NCKAP5: variants seen among roughly 807,000 people sequenced by gnomAD.
NCKAP5 encodes the protein nck-associated protein 5.
A neutral mutation model predicts 167.0 loss-of-function variants in NCKAP5; 92 were observed. The observed-to-expected ratio is 0.55, with a 90% CI of 0.47 to 0.66. The LOEUF is 0.66. Among genes scored for constraint, NCKAP5 ranks in the 30% least tolerant of loss-of-function variants. The probability of loss-of-function intolerance (pLI) is 0.00; values close to 1 mark genes in which losing one functional copy is unlikely to be tolerated. For missense variants in NCKAP5, 2,378 were observed against 2,315.0 expected (o/e 1.03, Z -0.56); for synonymous variants, 891 against 877.4 (o/e 1.02, Z -0.27).
intron 3 of NCKAP5, among the ~76,000 whole-genome samples, chr2:133,360,229 T>C (rs1388731458): frequency 6.6e-6 from 1 of 152,190 alleles, no homozygotes; most frequent in Non-Finnish European, 1.5e-5. Flanking sequence ...CAGAAGAGAA[T>C]TGTGATGAAT....
At chr2:133,008,914 A>G (rs1242026038) in intron 6 of NCKAP5, among the ~76,000 whole-genome samples, 1 of 152,234 alleles carries the variant, frequency 6.6e-6, no homozygotes, top group Non-Finnish European at 1.5e-5. Context: ...GCCAGCAGCT[A>G]TGAGAAAAAT....
chr2:132,772,488 T>TTA (rs1682166386), intron 16 of NCKAP5, among the ~76,000 whole-genome samples: 1 of 152,180 alleles, frequency 6.6e-6, no homozygotes, highest in Non-Finnish European at 1.5e-5. Context: ...GCTTGTAACT[T>TTA]TATATATATT....
rs1458708619 is a variant in NCKAP5, at chr2:133,129,974, A to T, written c.341+4T>A. On this transcript the variant is annotated splice_donor_region_variant and intron_variant, in intron 6 of 19. Coordinates refer to ENST00000409261, the MANE Select transcript of NCKAP5 (RefSeq NM_207363.3). ...GAAGCAATCTGCTCAGCTAAGAACAATACCTGGAGAACTGCTGCTGCAAGC... is the reference window on the plus strand; with the variant it reads ...GAAGCAATCTGCTCAGCTAAGAACATTACCTGGAGAACTGCTGCTGCAAGC... 1.2e-6 allele frequency: 2 copies of T among 1,602,504 alleles called. No homozygotes were observed. Among genetic ancestry groups the T allele is most frequent in the South Asian group, 2.3e-5 (2 of 88,188 alleles).
chr2:133,158,169 A>C (rs1367151710), intron 5 of NCKAP5, among the ~76,000 whole-genome samples: 2 of 152,188 alleles, frequency 1.3e-5, no homozygotes, highest in Non-Finnish European at 2.9e-5. Flanking sequence ...GCTCTTGGTT[A>C]GGGAGGTTTT....
At chr2:133,224,561 T>C (rs2086800264) in intron 4 of NCKAP5, among the ~76,000 whole-genome samples, 1 of 152,184 alleles carries the variant, frequency 6.6e-6, no homozygotes, top group African/African-American at 2.4e-5. Flanking sequence ...AGAAGTGCAT[T>C]TGTCCTTCTG....
the NCKAP5 span, among the ~76,000 whole-genome samples, chr2:133,664,116 G>A: frequency 5.3e-5 from 8 of 152,262 alleles, no homozygotes; most frequent in South Asian, 2.1e-4. Context: ...GCTCTTGGGT[G>A]ACCAGGTGCA....
chr2:132,791,012 A>G (rs1166451768), intron 12 of NCKAP5, among the ~76,000 whole-genome samples: 1 of 152,202 alleles, frequency 6.6e-6, no homozygotes, highest in African/African-American at 2.4e-5. Context: ...AAAAGCATGT[A>G]AACTGGCTGT....
chr2:133,248,527 G>A lies in NCKAP5; in HGVS notation c.144-34748C>T, dbSNP rs937044796. Reference sequence around the variant, plus strand: ...CAGAGGAGGGCCTCTGGTCCACTGGGAAAAAGGCAGCATTGGTGCCAGGAC... The same window carrying A: ...CAGAGGAGGGCCTCTGGTCCACTGGAAAAAAGGCAGCATTGGTGCCAGGAC... On this transcript the variant is annotated intron_variant, in intron 4 of 19. Transcript: ENST00000409261. Among the ~76,000 whole-genome samples the A allele has an allele frequency of 6.6e-5, 10 of 152,308 alleles. No homozygotes were observed. The South Asian group carries it at 2.1e-3, about 32-fold the overall frequency.
At chr2:133,052,283 TGGAGCTAGTCC>T (rs1241134559) in intron 6 of NCKAP5, among the ~76,000 whole-genome samples, 1 of 152,240 alleles carries the variant, frequency 6.6e-6, no homozygotes, top group Non-Finnish European at 1.5e-5. Flanking sequence ...TACTCTGATC[TGGAGCTAGTCC>T]GCAGCTACCA....
intron 6 of NCKAP5, among the ~76,000 whole-genome samples, chr2:133,013,551 C>T (rs180848039): frequency 5.9e-5 from 9 of 152,212 alleles, no homozygotes; most frequent in South Asian, 4.2e-4. Context: ...ATGAGAACAG[C>T]GCAGGAAAGA....
intron 5 of NCKAP5, among the ~76,000 whole-genome samples, chr2:133,203,437 G>GT (rs762504996): frequency 8.5e-5 from 13 of 152,082 alleles, no homozygotes; most frequent in Middle Eastern, 3.2e-3. Flanking sequence ...TACACCTAAT[G>GT]TAAATGACAA....
intron 18 of NCKAP5, among the ~76,000 whole-genome samples, chr2:132,726,048 G>A (rs972657437): frequency 1.3e-4 from 20 of 152,102 alleles, no homozygotes; most frequent in African/African-American, 4.1e-4. Context: ...AGGTCCCCAC[G>A]GTTACCTGGT....
At chr2:133,376,928 C>T (rs992595169) in intron 3 of NCKAP5, among the ~76,000 whole-genome samples, 17 of 152,238 alleles carry the variant, frequency 1.1e-4, no homozygotes, top group Admixed American at 1.1e-3. Flanking sequence ...GTACATATAA[C>T]CTTACAGCTC....
intron 6 of NCKAP5, among the ~76,000 whole-genome samples, chr2:133,113,557 C>T (rs1049381566): frequency 2.6e-5 from 4 of 152,224 alleles, no homozygotes; most frequent in Non-Finnish European, 5.9e-5. Flanking sequence ...CATCCCCTTC[C>T]ACCAGGTGTG....
intron 5 of NCKAP5, among the ~76,000 whole-genome samples, chr2:133,196,464 C>T (rs971544019): frequency 3.9e-5 from 6 of 152,166 alleles, no homozygotes; most frequent in Non-Finnish European, 8.8e-5. Flanking sequence ...ACTGAATATA[C>T]TGCTACAGCC....
intron 6 of NCKAP5, among the ~76,000 whole-genome samples, chr2:132,999,880 T>C (rs531513920): frequency 6.6e-6 from 1 of 152,098 alleles, no homozygotes; most frequent in South Asian, 2.1e-4. Context: ...TTGACAGAAA[T>C]AAAAAAGAAC....
At chr2:133,472,245 TCA>T (rs1679403959) in intron 3 of NCKAP5, among the ~76,000 whole-genome samples, 1 of 152,156 alleles carries the variant, frequency 6.6e-6, no homozygotes, top group Non-Finnish European at 1.5e-5. Context: ...ACATGTTTTC[TCA>T]CAGTTGTAAT....
At chr2:133,467,121 A>G (rs1692661260) in intron 3 of NCKAP5, among the ~76,000 whole-genome samples, 1 of 151,940 alleles carries the variant, frequency 6.6e-6, no homozygotes, top group African/African-American at 2.4e-5. Flanking sequence ...GTTTTTGCCC[A>G]TTCAGTATGA....
chr2:133,304,151 T>C (rs1389599627), intron 3 of NCKAP5, among the ~76,000 whole-genome samples: 2 of 152,204 alleles, frequency 1.3e-5, no homozygotes, highest in African/African-American at 2.4e-5. Context: ...AGGTTTCTTT[T>C]GAAATGCTAT....
Sources: allele counts gnomAD v4.1 joint callset (sites outside exome capture counted in the v4.1 genomes callset), GRCh38; gene constraint gnomAD v4.1.1; transcripts MANE v1.5; gene names NCBI Gene and HGNC (gene_info 2026-07-23, HGNC 2026-07-21).